MYO16: variants seen among roughly 807,000 people sequenced by gnomAD.
The protein encoded by MYO16 is unconventional myosin-XVI.
A neutral mutation model predicts 205.3 loss-of-function variants in MYO16; 94 were observed. The observed-to-expected ratio is 0.46, with a 90% CI of 0.39 to 0.54. The LOEUF is 0.54. Among genes scored for constraint, MYO16 ranks in the 20% least tolerant of loss-of-function variants. The probability of loss-of-function intolerance (pLI) is 0.00; values close to 1 mark genes in which losing one functional copy is unlikely to be tolerated. For missense variants in MYO16, 2,315 were observed against 2,387.5 expected (o/e 0.97, Z 0.63); for synonymous variants, 988 against 954.0 (o/e 1.04, Z -0.66).
At chr13:108,739,781 C>A (rs1024655672) in intron 4 of MYO16, among the ~76,000 whole-genome samples, 1 of 152,310 alleles carries the variant, frequency 6.6e-6, no homozygotes, top group South Asian at 2.1e-4. Context: ...ACCAGTCAGA[C>A]ATAGATTTGG....
chr13:109,037,237 TTC>T (rs778920848), intron 23 of MYO16, among the ~76,000 whole-genome samples: 2 of 152,230 alleles, frequency 1.3e-5, no homozygotes, highest in African/African-American at 2.4e-5. Context: ...TTTTCTTTGT[TTC>T]TTCTCTATGC....
chr13:109,135,090 G>A (rs1876711949), intron 31 of MYO16, among the ~76,000 whole-genome samples: 1 of 152,174 alleles, frequency 6.6e-6, no homozygotes, highest in Non-Finnish European at 1.5e-5. Flanking sequence ...TCTTCTAACT[G>A]AAGACTTGTG....
intron 12 of MYO16, among the ~76,000 whole-genome samples, chr13:108,880,050 C>T (rs1026206541): frequency 1.3e-5 from 2 of 152,288 alleles, no homozygotes; most frequent in South Asian, 2.1e-4. Flanking sequence ...TAATGATCGC[C>T]ATTCTAACTG....
At chr13:108,936,215 TC>T (rs1398709250) in intron 16 of MYO16, among the ~76,000 whole-genome samples, 3 of 151,844 alleles carry the variant, frequency 2.0e-5, no homozygotes, top group Non-Finnish European at 4.4e-5. Flanking sequence ...GCTTTTGTTA[TC>T]AGGGTGCTGC....
At chr13:109,059,064 G>C in intron 27 of MYO16, among the ~76,000 whole-genome samples, 1 of 151,964 alleles carries the variant, frequency 6.6e-6, no homozygotes. Flanking sequence ...TCTAATTTTG[G>C]TTCTATTGTT....
chr13:108,786,936 T>C (rs527819267), intron 5 of MYO16, among the ~76,000 whole-genome samples: 2 of 152,352 alleles, frequency 1.3e-5, no homozygotes, highest in East Asian at 3.9e-4. Flanking sequence ...GGAGGCAGAT[T>C]CCATTACTTC....
At chr13:109,182,490 C>T (rs911924898) in intron 34 of MYO16, among the ~76,000 whole-genome samples, 1 of 152,212 alleles carries the variant, frequency 6.6e-6, no homozygotes, top group Non-Finnish European at 1.5e-5. Context: ...GAATCCACCT[C>T]ACCCACTCGC....
intron 28 of MYO16, among the ~76,000 whole-genome samples, chr13:109,118,673 A>G (rs1321048347): frequency 3.3e-5 from 5 of 152,156 alleles, no homozygotes; most frequent in African/African-American, 4.8e-5. Context: ...GAGAGGTGAC[A>G]TGTTCCCTCC....
chr13:108,588,221 T>C, the MYO16 span, among the ~76,000 whole-genome samples: 16 of 152,330 alleles, frequency 1.1e-4, no homozygotes, highest in African/African-American at 3.8e-4. Context: ...CTGGTATTCC[T>C]GTGTCTTGAA....
chr13:108,959,130 C>A (rs752285168), intron 17 of MYO16, among the ~76,000 whole-genome samples: 44 of 152,108 alleles, frequency 2.9e-4, no homozygotes, highest in Non-Finnish European at 5.9e-4. Context: ...TTGCTGCACC[C>A]ACCCTTGCTG....
At chr13:108,707,199 G>A (rs1883542139) in intron 2 of MYO16, among the ~76,000 whole-genome samples, 1 of 152,082 alleles carries the variant, frequency 6.6e-6, no homozygotes, top group South Asian at 2.1e-4. Context: ...TTGTTTCCAG[G>A]CTGGACGGAA....
intron 7 of MYO16, among the ~76,000 whole-genome samples, chr13:108,809,891 C>T (rs569556316): frequency 6.6e-6 from 1 of 152,296 alleles, no homozygotes; most frequent in South Asian, 2.1e-4. Context: ...TCCACAGAGC[C>T]CAACCTTGGG....
chr13:109,161,359 G>T lies in MYO16; in HGVS notation c.5165-3542G>T, dbSNP rs113620340. Among the ~76,000 whole-genome samples, 591 of 152,346 alleles carry T rather than the reference G, an allele frequency of 3.9e-3. 8 individuals carry two copies. Among genetic ancestry groups the T allele is most frequent in the African/African-American group, 0.013 (547 of 41,576 alleles). ...GAGCCAAGAGTAAAAGAATGACTGT[G>T]TGGGGACTGCTGAGCCCTCTGGGCC... On this transcript the variant is annotated intron_variant, in intron 32 of 34. Coordinates refer to ENST00000457511, the MANE Select transcript of MYO16 (RefSeq NM_001198950.3).
Position 109,007,539 on chromosome 13 carries a change from C to CGTGT in MYO16, c.2443-1313_2443-1310dup, listed in dbSNP as rs71125360. On this transcript the variant is annotated intron_variant, in intron 21 of 34. Transcript: ENST00000457511. ...TTTGAGATAATAAGTAGAAATCAGC[C>CGTGT]GTGTGTGTGTGTGTGTGTGTGTGTG... 8.6e-3 allele frequency among the ~76,000 whole-genome samples: 1,154 copies of CGTGT among 133,684 alleles called. 20 individuals carry two copies. Among genetic ancestry groups the CGTGT allele is most frequent in the African/African-American group, 0.028 (959 of 34,230 alleles). 87.7% of individuals were successfully genotyped at this position (133,684 alleles called of 152,430 possible). A position where few individuals can be genotyped will look rare whatever the true frequency, so the allele number is the denominator to read the frequency against.
intron 9 of MYO16, among the ~76,000 whole-genome samples, chr13:108,839,147 T>C (rs1313527288): frequency 3.9e-5 from 6 of 152,096 alleles, no homozygotes; most frequent in African/African-American, 1.4e-4. Flanking sequence ...GCATATCTCA[T>C]GATGAGGGGC....
At chr13:108,517,274 CT>C in the MYO16 span, among the ~76,000 whole-genome samples, 9 of 152,114 alleles carry the variant, frequency 5.9e-5, no homozygotes, top group Non-Finnish European at 1.2e-4. Flanking sequence ...GGAATGCCCC[CT>C]GGATACGTAT....
chr13:108,920,312 CTCCT>C (rs1435411914), intron 16 of MYO16, among the ~76,000 whole-genome samples: 3 of 150,330 alleles, frequency 2.0e-5, no homozygotes, highest in Non-Finnish European at 3.0e-5. Context: ...CTTTCTCTTT[CTCCT>C]TCCTTCCTTC....
chr13:108,838,288 C>G (rs895080456), intron 9 of MYO16, among the ~76,000 whole-genome samples: 2 of 151,930 alleles, frequency 1.3e-5, no homozygotes, highest in African/African-American at 4.8e-5. Flanking sequence ...GTGTTTAGAA[C>G]AGAAGACTAT....
At chr13:108,626,555 C>T (rs556462394), upstream of MYO16, among the ~76,000 whole-genome samples, 1 of 152,160 alleles carries the variant, frequency 6.6e-6, no homozygotes, top group East Asian at 1.9e-4. Context: ...TGCCTGTAAT[C>T]CCAGCACTTT....
Sources: allele counts gnomAD v4.1 joint callset (sites outside exome capture counted in the v4.1 genomes callset), GRCh38; gene constraint gnomAD v4.1.1; transcripts MANE v1.5; gene names NCBI Gene and HGNC (gene_info 2026-07-23, HGNC 2026-07-21).